CGGBP1: variants seen among roughly 807,000 people sequenced by gnomAD.
The protein encoded by CGGBP1 is CGG triplet repeat binding protein 1, also known as CGG triplet repeat-binding protein 1.
In CGGBP1, 4 loss-of-function variants were observed where a neutral mutation model predicts 11.4. That is an observed-to-expected ratio of 0.35 (90% CI 0.17 to 0.80). The LOEUF (loss-of-function observed/expected upper bound fraction) is 0.80. CGGBP1 is among the 30% of genes least tolerant of loss of function. The probability of loss-of-function intolerance (pLI) is 0.52; values close to 1 mark genes in which losing one functional copy is unlikely to be tolerated. For missense variants in CGGBP1, 135 were observed against 202.1 expected (o/e 0.67, Z 2.01); for synonymous variants, 76 against 74.1 (o/e 1.03, Z -0.13).
At chr3:88,120,445 T>C (rs1705697581) in intron 2 of CGGBP1, among the ~76,000 whole-genome samples, 1 of 152,164 alleles carries the variant, frequency 6.6e-6, no homozygotes, top group South Asian at 2.1e-4. Context: ...TGAAGAAACT[T>C]TAGTTTGGTG....
At chr3:88,094,104 C>CTTT (rs11449650) in intron 2 of CGGBP1, among the ~76,000 whole-genome samples, 1 of 147,846 alleles carries the variant, frequency 6.8e-6, no homozygotes, top group African/African-American at 2.5e-5. Flanking sequence ...AGATAATATT[C>CTTT]TTTTTTTTTT....
intron 2 of CGGBP1, among the ~76,000 whole-genome samples, chr3:88,075,709 T>A (rs1470779232): frequency 1.3e-5 from 2 of 152,228 alleles, no homozygotes; most frequent in South Asian, 4.1e-4. Context: ...TTTTTGTGTT[T>A]GTTTACATTT....
chr3:88,105,818 C>G (rs1245567758), intron 2 of CGGBP1, among the ~76,000 whole-genome samples: 1 of 152,086 alleles, frequency 6.6e-6, no homozygotes, highest in African/African-American at 2.4e-5. Flanking sequence ...CTTTATCCCC[C>G]CAAAACTCAT....
exon 1 of CGGBP1, chr3:88,149,826 G>A (rs1459184111): frequency 3.6e-6 from 2 of 556,982 alleles, no homozygotes; most frequent in African/African-American, 1.9e-5. Context: ...TCCCTTAATT[G>A]AGATACGTGG....
At chr3:88,136,656 T>C (rs960980366) in intron 2 of CGGBP1, among the ~76,000 whole-genome samples, 1 of 152,074 alleles carries the variant, frequency 6.6e-6, no homozygotes, top group East Asian at 1.9e-4. Flanking sequence ...CAGAGAAATA[T>C]GGGGAAGTGG....
At chr3:88,123,860 C>T (rs375458378) in intron 2 of CGGBP1, among the ~76,000 whole-genome samples, 24 of 152,128 alleles carry the variant, frequency 1.6e-4, no homozygotes, top group African/African-American at 4.8e-4. Context: ...GTTGAATTTT[C>T]GGGGCAGTCA....
intron 2 of CGGBP1, among the ~76,000 whole-genome samples, chr3:88,127,446 TA>T (rs71131550): frequency 1.4e-5 from 2 of 147,692 alleles, no homozygotes; most frequent in East Asian, 2.0e-4. Context: ...GAAAGGGAGT[TA>T]AAAAAAAAAC....
chr3:88,068,040 T>C (rs1344242111), intron 2 of CGGBP1, among the ~76,000 whole-genome samples: 2 of 151,930 alleles, frequency 1.3e-5, no homozygotes, highest in Non-Finnish European at 2.9e-5. Context: ...AAAGCACAAG[T>C]GGAGGGGTGT....
At chr3:88,137,047 T>G (rs1163359608) in intron 2 of CGGBP1, among the ~76,000 whole-genome samples, 3 of 151,844 alleles carry the variant, frequency 2.0e-5, no homozygotes, top group Admixed American at 1.3e-4. Flanking sequence ...ATACAAAAAT[T>G]AGCCAAGTGT....
intron 2 of CGGBP1, among the ~76,000 whole-genome samples, chr3:88,066,034 C>G (rs959770986): frequency 6.6e-6 from 1 of 152,104 alleles, no homozygotes; most frequent in Non-Finnish European, 1.5e-5. Context: ...GCGCCTAGCC[C>G]TAGATTGGTT....
chr3:88,089,816 A>G (rs573140335), intron 2 of CGGBP1, among the ~76,000 whole-genome samples: 4 of 152,302 alleles, frequency 2.6e-5, no homozygotes, highest in East Asian at 1.9e-4. Context: ...TGAGAATGTC[A>G]TAAGATTTTG....
At chr3:88,135,146 A>G in intron 2 of CGGBP1, 1 of 1,494,390 alleles carries the variant, frequency 6.7e-7, no homozygotes, top group Non-Finnish European at 8.9e-7. Flanking sequence ...CCAGCTTTTA[A>G]GAACAGCAAC....
At chr3:88,066,449 C>T (rs1452934264) in intron 2 of CGGBP1, among the ~76,000 whole-genome samples, 1 of 152,032 alleles carries the variant, frequency 6.6e-6, no homozygotes, top group Admixed American at 6.6e-5. Flanking sequence ...TGGCACACAC[C>T]TGTAGTCCCA....
At chr3:88,086,495 C>G in intron 2 of CGGBP1, 2 of 1,080,302 alleles carry the variant, frequency 1.9e-6, no homozygotes, top group Middle Eastern at 2.8e-4. Context: ...GAAACCTTTC[C>G]TAAAGTATTC....
chr3:88,140,749 C>T, intron 2 of CGGBP1: 2 of 1,613,714 alleles, frequency 1.2e-6, no homozygotes, highest in South Asian at 1.1e-5. Flanking sequence ...TCTCAGGCAC[C>T]TTCCAAACCA....
chr3:88,108,619 A>G (rs915719191), intron 2 of CGGBP1, among the ~76,000 whole-genome samples: 2 of 152,158 alleles, frequency 1.3e-5, no homozygotes, highest in African/African-American at 4.8e-5. Flanking sequence ...CAGTGTATCT[A>G]CACTGTATAC....
chr3:88,127,446 T>TAA (rs71131550), intron 2 of CGGBP1, among the ~76,000 whole-genome samples: 77 of 147,538 alleles, frequency 5.2e-4, no homozygotes, highest in Middle Eastern at 3.4e-3. Flanking sequence ...GAAAGGGAGT[T>TAA]AAAAAAAAAA....
At chr3:88,127,253 G>T (rs1706164457) in intron 2 of CGGBP1, among the ~76,000 whole-genome samples, 1 of 152,120 alleles carries the variant, frequency 6.6e-6, no homozygotes, top group South Asian at 2.1e-4. Flanking sequence ...TGTTGAGCAG[G>T]TTATTTCTGT....
chr3:88,118,562 A>G (rs1254339132), intron 2 of CGGBP1, among the ~76,000 whole-genome samples: 1 of 152,148 alleles, frequency 6.6e-6, no homozygotes, highest in Non-Finnish European at 1.5e-5. Flanking sequence ...TTTCCACTAA[A>G]ACCTCAAAAC....
Sources: allele counts gnomAD v4.1 joint callset (sites outside exome capture counted in the v4.1 genomes callset), GRCh38; gene constraint gnomAD v4.1.1; transcripts MANE v1.5; gene names NCBI Gene and HGNC (gene_info 2026-07-23, HGNC 2026-07-21).